Variants in JAM2 observed in about 807,000 individuals in gnomAD.
JAM2 encodes the protein junctional adhesion molecule B.
In JAM2, 17 loss-of-function variants were observed where a neutral mutation model predicts 42.0. The ratio of observed to expected loss-of-function variants is 0.40; its 90% confidence interval spans 0.28 to 0.61. The LOEUF (loss-of-function observed/expected upper bound fraction) is 0.61. Among genes scored for constraint, JAM2 ranks in the 20% least tolerant of loss-of-function variants. The probability of loss-of-function intolerance (pLI) is 0.37; values close to 1 mark genes in which losing one functional copy is unlikely to be tolerated. For missense variants in JAM2, 319 were observed against 358.3 expected (o/e 0.89, Z 0.89); for synonymous variants, 118 against 128.6 (o/e 0.92, Z 0.56).
chr21:25,660,784 T>TATATATATA (rs2033066688), intron 1 of JAM2, among the ~76,000 whole-genome samples: 2 of 25,510 alleles, frequency 7.8e-5, no homozygotes, highest in African/African-American at 4.7e-4. Flanking sequence ...ATATATATAT[T>TATATATATA]TTTTTTTTTT....
At chr21:25,661,649 T>C (rs1187482575) in intron 1 of JAM2, among the ~76,000 whole-genome samples, 1 of 151,906 alleles carries the variant, frequency 6.6e-6, no homozygotes, top group East Asian at 1.9e-4. Context: ...TGTTTGTATA[T>C]GTAATGTTTA....
At chr21:25,675,811 A>C (rs2033475961) in intron 1 of JAM2, among the ~76,000 whole-genome samples, 2 of 152,186 alleles carry the variant, frequency 1.3e-5, no homozygotes, top group Non-Finnish European at 2.9e-5. Flanking sequence ...ATTACAACTG[A>C]ACATGAGATT....
At chr21:25,703,266 A>G (rs1037713325) in intron 6 of JAM2, among the ~76,000 whole-genome samples, 1 of 152,340 alleles carries the variant, frequency 6.6e-6, no homozygotes, top group African/African-American at 2.4e-5. Flanking sequence ...TCTCTTAAGG[A>G]ATCATATCCA....
chr21:25,677,871 A>C (rs2033535473), intron 1 of JAM2, among the ~76,000 whole-genome samples: 1 of 152,218 alleles, frequency 6.6e-6, no homozygotes, highest in Non-Finnish European at 1.5e-5. Flanking sequence ...AGACAAACAG[A>C]CTTTTTCAAA....
intron 1 of JAM2, among the ~76,000 whole-genome samples, chr21:25,664,396 C>G (rs1398674309): frequency 6.6e-6 from 1 of 152,128 alleles, no homozygotes; most frequent in African/African-American, 2.4e-5. Context: ...CCATCATGCC[C>G]AGCTAATTTT....
chr21:25,683,654 T>A (rs1392526193), intron 1 of JAM2, among the ~76,000 whole-genome samples: 1 of 152,144 alleles, frequency 6.6e-6, no homozygotes. Flanking sequence ...AATAGATGCA[T>A]GGATTCTACT....
intron 4 of JAM2, among the ~76,000 whole-genome samples, chr21:25,697,951 ACTCT>A (rs1300585243): frequency 0.012 from 1,610 of 134,104 alleles, 17 homozygotes; most frequent in Non-Finnish European, 0.016. Flanking sequence ...ACACACACAC[ACTCT>A]CTCTCTCGCT....
rs1219563673 is a variant in JAM2, at chr21:25,717,525, G to A, written c.*2853G>A. 1.8e-6 allele frequency: 2 copies of A among 1,139,702 alleles called. No homozygotes were observed. The highest frequency in any genetic ancestry group is 2.3e-6 in the Non-Finnish European group (2 of 863,454). The allele number at this position is 1,139,702 out of a possible 1,614,324, so 70.6% of individuals were successfully genotyped here. A position where few individuals can be genotyped will look rare whatever the true frequency, so the allele number is the denominator to read the frequency against. ...TGCAAAGAACTTCCTTTTTCCACAG[G>A]TGGCTTTGTTCGATTAAAGTCTACA... On this transcript the variant is annotated 3_prime_UTR_variant, in exon 10 of 10. Transcript: ENST00000480456.
At chr21:25,650,593 C>A (rs574249023) in intron 1 of JAM2, among the ~76,000 whole-genome samples, 1 of 152,082 alleles carries the variant, frequency 6.6e-6, no homozygotes, top group African/African-American at 2.4e-5. Context: ...TATGTCCTGA[C>A]GTGTGTTTTA....
rs545410687 is a variant in JAM2 at position 25,664,826 on chromosome 21, CTTTG to C, written c.68-19053_68-19050del. On this transcript the variant is annotated intron_variant, in intron 1 of 9. Transcript: ENST00000480456. ...ATAAGTCCTTTTATACAATGGAGAA[CTTTG>C]TTTAACTTGTTAACCCAGTCTTTCT... 5.7e-3 allele frequency among the ~76,000 whole-genome samples: 875 copies of C among 152,276 alleles called. 14 individuals are homozygous for C. The highest frequency in any genetic ancestry group is 0.02 in the African/African-American group (844 of 41,554).
At position 25,705,224 on chromosome 21, in the gene JAM2, A is replaced by G. The variant is rs571767475; in HGVS notation, c.698-755A>G. On this transcript the variant is annotated intron_variant, in intron 6 of 9. Transcript: ENST00000480456. ...TATTTCTTACACTTAGTTTTACAGA[A>G]TAACAATGACATGTGCTTTTTTTTA... is the stretch of plus-strand genomic sequence containing the variant. Among the ~76,000 whole-genome samples the G allele has an allele frequency of 2.0e-5, 3 of 152,186 alleles. No homozygotes were observed. The South Asian group carries it at 6.2e-4, about 32-fold the overall frequency.
intron 9 of JAM2, chr21:25,714,291 G>C (rs1194500759): frequency 1.9e-6 from 2 of 1,079,270 alleles, no homozygotes; most frequent in Middle Eastern, 2.5e-4. Context: ...CGGATCACGA[G>C]GTCAGGAGTT....
At chr21:25,691,652 A>G (rs1279827464) in intron 3 of JAM2, among the ~76,000 whole-genome samples, 1 of 152,072 alleles carries the variant, frequency 6.6e-6, no homozygotes, top group Non-Finnish European at 1.5e-5. Flanking sequence ...ATTAAACCAG[A>G]CTCCCTGGTT....
intron 8 of JAM2, chr21:25,709,708 C>T (rs2034344162): frequency 6.5e-6 from 2 of 309,058 alleles, no homozygotes; most frequent in African/African-American, 4.2e-5. Context: ...ATCCTGGCAC[C>T]AACACTGCTT....
At chr21:25,695,804 C>T (rs2034006240) in intron 4 of JAM2, among the ~76,000 whole-genome samples, 1 of 151,340 alleles carries the variant, frequency 6.6e-6, no homozygotes, top group Admixed American at 6.6e-5. Context: ...CGCGGCCGGG[C>T]AGAGGCGCTC....
intron 1 of JAM2, among the ~76,000 whole-genome samples, chr21:25,666,315 TTTATTA>T (rs35684752): frequency 6.8e-6 from 1 of 146,562 alleles, no homozygotes. Flanking sequence ...TGTTACGGCT[TTTATTA>T]TTATTATTAT....
rs2032380043 is a variant in JAM2, at chr21:25,639,908, C to T, written c.67+20C>T. The stretch of plus-strand genomic sequence containing the variant: ...TGGGCTGTAAGTTGCTCGGGTTCCT[C>T]TACCCTTCCTGCCTGGACCAGCCTG... On this transcript the variant is annotated intron_variant, in intron 1 of 9. Transcript: ENST00000480456. The T allele has an allele frequency of 6.4e-7, 1 of 1,554,144 alleles. No homozygotes were observed. Among genetic ancestry groups the T allele is most frequent in the Non-Finnish European group, 8.8e-7 (1 of 1,141,650 alleles).
intron 7 of JAM2, among the ~76,000 whole-genome samples, chr21:25,706,301 C>T (rs2034269778): frequency 6.6e-6 from 1 of 152,096 alleles, no homozygotes; most frequent in African/African-American, 2.4e-5. Flanking sequence ...CATGTCTCAG[C>T]CTCCCAAATA....
chr21:25,640,492 C>T (rs1242984976), intron 1 of JAM2, among the ~76,000 whole-genome samples: 1 of 152,236 alleles, frequency 6.6e-6, no homozygotes, highest in Non-Finnish European at 1.5e-5. Flanking sequence ...GCCAGCTGCT[C>T]TGTCCTCAGG....
Sources: gnomAD v4.1 joint callset for allele counts (sites outside exome capture counted in the v4.1 genomes callset) on GRCh38, gnomAD v4.1.1 for gene constraint, MANE v1.5 for transcripts, NCBI Gene and HGNC (gene_info 2026-07-23, HGNC 2026-07-21) for gene names.